Variants in C4BPA observed in about 807,000 individuals in gnomAD.
C4BPA encodes the protein complement component 4 binding protein alpha.
Under a neutral mutation model 63.7 loss-of-function variants are expected in C4BPA, and 31 were observed. That is an observed-to-expected ratio of 0.49 (90% CI 0.37 to 0.66). The LOEUF is 0.66. Ranked by LOEUF, C4BPA falls within the 30% of genes least tolerant of loss-of-function variation. The probability of loss-of-function intolerance (pLI) is 0.00; values close to 1 mark genes in which losing one functional copy is unlikely to be tolerated. For synonymous variants in C4BPA, 259 were observed against 254.7 expected (o/e 1.02, Z -0.16); for missense variants, 572 against 723.3 (o/e 0.79, Z 2.40).
At chr1:207,121,759 TA>T (rs1417332604) in intron 4 of C4BPA, among the ~76,000 whole-genome samples, 2 of 152,094 alleles carry the variant, frequency 1.3e-5, no homozygotes, top group Admixed American at 6.6e-5. Context: ...ATAATATCAT[TA>T]TTCCTCTTTA....
At chr1:207,113,244 A>G (rs1377333114) in intron 2 of C4BPA, 77 bp downstream of exon 2, 2 of 1,480,572 alleles carry the variant, frequency 1.4e-6, no homozygotes, top group Non-Finnish European at 1.8e-6. Flanking sequence ...AGGCTAAAAA[A>G]AATGATGACT....
At chr1:207,112,350 G>GTTTTTTTTTTT (rs61668698) in intron 1 of C4BPA, among the ~76,000 whole-genome samples, 2 of 114,168 alleles carry the variant, frequency 1.8e-5, no homozygotes, top group Non-Finnish European at 3.8e-5. Context: ...CTGCCTTTTT[G>GTTTTTTTTTTT]TTTTTTTTTT....
intron 2 of C4BPA, among the ~76,000 whole-genome samples, 157 bp from the exon 3 acceptor site, chr1:207,113,943 G>A (rs766604483): frequency 2.6e-5 from 4 of 152,156 alleles, no homozygotes; most frequent in Non-Finnish European, 5.9e-5. Context: ...CTCACTAGGT[G>A]TATTGAACAG....
At chr1:207,134,327 T>C in intron 8 of C4BPA, 77 bp from the exon 9 acceptor site, 1 of 1,049,026 alleles carries the variant, frequency 9.5e-7, no homozygotes, top group East Asian at 2.4e-5. Context: ...CGTCCAAAGA[T>C]GGAAATGAGG....
chr1:207,132,814 C>T (rs769784291), intron 8 of C4BPA, among the ~76,000 whole-genome samples: 30 of 151,972 alleles, frequency 2.0e-4, no homozygotes, highest in African/African-American at 4.4e-4. Flanking sequence ...CTTGAGCCCA[C>T]GAGTTTGAGA....
intron 10 of C4BPA, 106 bp downstream of exon 10, chr1:207,141,382 T>C (rs967533089): frequency 2.4e-6 from 2 of 848,944 alleles, no homozygotes; most frequent in Admixed American, 4.8e-5. Flanking sequence ...AAACATTTGA[T>C]TTGATTTATA....
intron 10 of C4BPA, among the ~76,000 whole-genome samples, 177 bp downstream of exon 10, chr1:207,141,453 C>T (rs2102366727): frequency 6.6e-6 from 1 of 152,328 alleles, no homozygotes; most frequent in East Asian, 1.9e-4. Flanking sequence ...CACACACAAA[C>T]ATTAATCTCC....
chr1:207,118,395 T>C (rs930489229), intron 4 of C4BPA, among the ~76,000 whole-genome samples: 1 of 152,168 alleles, frequency 6.6e-6, no homozygotes, highest in Admixed American at 6.5e-5. Context: ...TTACTCACAG[T>C]TCCACATGGC....
chr1:207,116,438 G>A (rs1304925326), intron 4 of C4BPA, among the ~76,000 whole-genome samples: 1 of 151,478 alleles, frequency 6.6e-6, no homozygotes, highest in African/African-American at 2.4e-5. Flanking sequence ...ATACACATGA[G>A]TCTGTGCATT....
rs1685498049 is a variant in C4BPA at position 207,144,797 on chromosome 1, C to T, written c.*80C>T. 1 of 852,070 alleles carries T rather than the reference C, an allele frequency of 1.2e-6. No individual in the cohort carries two copies. The highest frequency in any genetic ancestry group is 2.8e-5 in the South Asian group (1 of 35,390). 52.8% of individuals were successfully genotyped at this position (852,070 alleles called of 1,614,324 possible). On this transcript the variant is annotated 3_prime_UTR_variant, in exon 12 of 12. Transcript: ENST00000367070. ...AATACAGATCAGTTTAGCAAATCTA[C>T]TGTCAATTTGGCAGTGATATTCATC...
rs76261944 is a variant in C4BPA at position 207,137,589 on chromosome 1, ATGTTTTGTTTTGTTTTGTTT to A, written c.1273+3025_1273+3044del. The stretch of plus-strand genomic sequence containing the variant: ...GTTTATGATAAGGGGTTGTGGAGAT[ATGTTTTGTTTTGTTTTGTTT>A]TGTTTTGTTTTGTTTTGTTTTGTTT... On this transcript the variant is annotated intron_variant, in intron 9 of 11. Transcript: ENST00000367070. Among the ~76,000 whole-genome samples, 24 of 149,748 alleles carry A rather than the reference ATGTTTTGTTTTGTTTTGTTT, an allele frequency of 1.6e-4. 1 individual carries two copies. Among genetic ancestry groups the A allele is most frequent in the South Asian group, 8.6e-4 (4 of 4,670 alleles).
intron 6 of C4BPA, 45 bp downstream of exon 6, chr1:207,124,411 T>C (rs1348598487): frequency 2.0e-6 from 3 of 1,464,680 alleles, no homozygotes; most frequent in Non-Finnish European, 2.8e-6. Flanking sequence ...TTGCTCTCTT[T>C]TGTTTAAAAG....
At chr1:207,114,041 A>G in intron 2 of C4BPA, 59 bp from the exon 3 acceptor site, 1 of 1,415,040 alleles carries the variant, frequency 7.1e-7, no homozygotes. Flanking sequence ...CTTCAGAAAC[A>G]ATAAGATGCT....
intron 4 of C4BPA, among the ~76,000 whole-genome samples, chr1:207,117,248 G>A (rs993331212): frequency 5.3e-5 from 8 of 152,090 alleles, no homozygotes; most frequent in South Asian, 2.1e-4. Context: ...CCAGGAGTTC[G>A]AGACCAGCCC....
chr1:207,143,876 T>C lies in C4BPA; in HGVS notation c.1503T>C (p.Tyr501=). ...GGTTGTCTGTGGATAAGGATCAGTA[T>C]GTTGAGCCTGAAAATGTCACCATCC... ...NGRLSVDKDQ[Y]VEPENVTIQC... The change falls in exon 11 of 12, where the codon TAT becomes TAC. Residue 501 remains tyrosine (Y), a synonymous_variant. Coordinates refer to ENST00000367070, the MANE Select transcript of C4BPA (RefSeq NM_000715.4). The C allele has an allele frequency of 6.2e-7, 1 of 1,613,536 alleles. No individual in the cohort carries two copies. Among genetic ancestry groups the C allele is most frequent in the Non-Finnish European group, 8.5e-7 (1 of 1,179,616 alleles).
chr1:207,110,287 G>A (rs1420176361), intron 1 of C4BPA, among the ~76,000 whole-genome samples: 1 of 152,138 alleles, frequency 6.6e-6, no homozygotes, highest in Non-Finnish European at 1.5e-5. Flanking sequence ...TAGATGATGT[G>A]GACAGGAATG....
intron 6 of C4BPA, 67 bp downstream of exon 6, chr1:207,124,433 T>G (rs1572786169): frequency 3.2e-6 from 4 of 1,256,344 alleles, no homozygotes; most frequent in Non-Finnish European, 4.5e-6. Context: ...GAAAGAAAGG[T>G]AAATTTATTG....
chr1:207,118,551 C>T (rs1684861694), intron 4 of C4BPA, among the ~76,000 whole-genome samples: 1 of 152,116 alleles, frequency 6.6e-6, no homozygotes. Flanking sequence ...GAAACTCACT[C>T]ACTATCACGA....
chr1:207,139,786 G>A (rs1399230192), intron 9 of C4BPA, among the ~76,000 whole-genome samples: 2 of 152,156 alleles, frequency 1.3e-5, no homozygotes, highest in Non-Finnish European at 2.9e-5. Context: ...TCATTACTGT[G>A]CAAACCTTCC....
Sources: allele counts gnomAD v4.1 joint callset (sites outside exome capture counted in the v4.1 genomes callset), GRCh38; gene constraint gnomAD v4.1.1; transcripts MANE v1.5; gene names NCBI Gene and HGNC (gene_info 2026-07-23, HGNC 2026-07-21).